Variants in PVT1 observed in about 807,000 individuals in gnomAD.
The protein encoded by PVT1 is CXCR4/PVT1 fusion.
intron 3 of PVT1, among the ~76,000 whole-genome samples, chr8:127,964,051 C>T (rs1268493496): frequency 2.6e-5 from 4 of 152,178 alleles, no homozygotes; most frequent in Middle Eastern, 3.2e-3. Context: ...ACAGGGACTG[C>T]GAAGGCTTAT....
At chr8:127,987,369 C>A (rs1015579422) in intron 3 of PVT1, among the ~76,000 whole-genome samples, 3 of 152,158 alleles carry the variant, frequency 2.0e-5, no homozygotes, top group Non-Finnish European at 4.4e-5. Flanking sequence ...TTGATGGAAG[C>A]CCCAGGCTTT....
At chr8:127,870,947 C>T (rs530807668) in intron 2 of PVT1, among the ~76,000 whole-genome samples, 3 of 152,290 alleles carry the variant, frequency 2.0e-5, no homozygotes, top group East Asian at 1.9e-4. Context: ...GCCACAGTCA[C>T]GTCTCCTTTC....
chr8:127,951,581 C>T (rs1816506213), intron 3 of PVT1, among the ~76,000 whole-genome samples: 1 of 152,176 alleles, frequency 6.6e-6, no homozygotes, highest in African/African-American at 2.4e-5. Flanking sequence ...CAAAGGAGTA[C>T]AATATCAACA....
chr8:127,839,985 C>A (rs994442173), intron 2 of PVT1, among the ~76,000 whole-genome samples: 2 of 152,214 alleles, frequency 1.3e-5, no homozygotes, highest in Admixed American at 1.3e-4. Context: ...GGGAGCTGTT[C>A]TTGGAGCCCA....
intron 3 of PVT1, among the ~76,000 whole-genome samples, chr8:127,897,234 G>A (rs879427875): frequency 3.3e-5 from 5 of 152,208 alleles, no homozygotes; most frequent in African/African-American, 9.7e-5. Context: ...GTGCAGGACC[G>A]TGGCCTTGGC....
intron 4 of PVT1, among the ~76,000 whole-genome samples, chr8:128,065,269 G>A (rs1332656587): frequency 2.0e-5 from 3 of 151,770 alleles, no homozygotes; most frequent in African/African-American, 7.3e-5. Context: ...TCAGCTCACT[G>A]CAATCTGTGC....
At chr8:128,074,454 C>T (rs1008053568) in intron 5 of PVT1, among the ~76,000 whole-genome samples, 4 of 142,858 alleles carry the variant, frequency 2.8e-5, no homozygotes, top group Admixed American at 7.2e-5. Flanking sequence ...AGCCGGGAGG[C>T]GGAGGTTGCA....
chr8:127,888,187 G>T (rs929437061), intron 2 of PVT1, among the ~76,000 whole-genome samples: 2 of 151,264 alleles, frequency 1.3e-5, no homozygotes, highest in South Asian at 2.1e-4. Context: ...TGATCCACCC[G>T]CCTCGGCCTC....
At chr8:128,027,345 C>A (rs1476777520) in intron 4 of PVT1, among the ~76,000 whole-genome samples, 2 of 152,196 alleles carry the variant, frequency 1.3e-5, no homozygotes, top group East Asian at 3.8e-4. Context: ...GAGAGTGGAA[C>A]CTCTCACCCA....
intron 2 of PVT1, among the ~76,000 whole-genome samples, chr8:127,868,776 T>TA (rs1815313714): frequency 8.5e-6 from 1 of 118,220 alleles, no homozygotes; most frequent in East Asian, 2.5e-4. Flanking sequence ...TTAACATATA[T>TA]ATATATATAT....
At chr8:128,097,673 G>A (rs1018179753) in intron 6 of PVT1, among the ~76,000 whole-genome samples, 8 of 152,074 alleles carry the variant, frequency 5.3e-5, no homozygotes, top group Admixed American at 3.3e-4. Flanking sequence ...ATCATTCCTT[G>A]TAAACATGGA....
intron 3 of PVT1, among the ~76,000 whole-genome samples, chr8:127,940,801 T>C (rs1816340208): frequency 6.6e-6 from 1 of 152,120 alleles, no homozygotes; most frequent in Admixed American, 6.5e-5. Context: ...GAGGTCTCAC[T>C]ATCTTGCCCA....
At chr8:127,893,518 A>T (rs1327342117) in intron 3 of PVT1, among the ~76,000 whole-genome samples, 1 of 152,182 alleles carries the variant, frequency 6.6e-6, no homozygotes, top group Non-Finnish European at 1.5e-5. Flanking sequence ...AAGAGCTGCG[A>T]TTACAAGCGT....
At chr8:127,822,188 GT>G (rs1157806174) in intron 2 of PVT1, among the ~76,000 whole-genome samples, 2 of 152,226 alleles carry the variant, frequency 1.3e-5, no homozygotes, top group Non-Finnish European at 2.9e-5. Context: ...CTTGGTTGTT[GT>G]AGTTGTTACT....
intron 4 of PVT1, among the ~76,000 whole-genome samples, chr8:128,058,468 G>A (rs1813788834): frequency 6.6e-6 from 1 of 151,414 alleles, no homozygotes; most frequent in Non-Finnish European, 1.5e-5. Context: ...CTAAATACAT[G>A]ATAAATATAC....
intron 4 of PVT1, among the ~76,000 whole-genome samples, chr8:128,006,458 T>C (rs186270097): frequency 6.6e-6 from 1 of 152,314 alleles, no homozygotes; most frequent in African/African-American, 2.4e-5. Flanking sequence ...ATTAAGGTGA[T>C]GTCTGCCAGA....
At chr8:127,931,649 C>T (rs910887262) in intron 3 of PVT1, among the ~76,000 whole-genome samples, 2 of 152,248 alleles carry the variant, frequency 1.3e-5, no homozygotes, top group African/African-American at 2.4e-5. Flanking sequence ...GTGCTGGCAG[C>T]CTGGCCTCAG....
chr8:128,055,400 T>G (rs549873730), intron 4 of PVT1, among the ~76,000 whole-genome samples: 49 of 152,280 alleles, frequency 3.2e-4, no homozygotes, highest in Middle Eastern at 3.4e-3. Flanking sequence ...ATCAATAAAA[T>G]GGAAATAATA....
intron 2 of PVT1, among the ~76,000 whole-genome samples, chr8:127,850,585 G>A (rs1049922019): frequency 7.9e-5 from 12 of 152,198 alleles, no homozygotes; most frequent in African/African-American, 2.9e-4. Context: ...TAAGAATAGC[G>A]ACTTTGCCTG....
Sources: allele counts gnomAD v4.1 joint callset (sites outside exome capture counted in the v4.1 genomes callset), GRCh38; gene constraint gnomAD v4.1.1; transcripts MANE v1.5; gene names NCBI Gene and HGNC (gene_info 2026-07-23, HGNC 2026-07-21).